MORC1: variants seen among roughly 807,000 people sequenced by gnomAD.
MORC1 encodes the protein MORC family CW-type zinc finger 1.
In MORC1, 59 loss-of-function variants were observed where a neutral mutation model predicts 134.9. The observed-to-expected ratio is 0.44, with a 90% CI of 0.35 to 0.54. The LOEUF (loss-of-function observed/expected upper bound fraction) is 0.54, where lower values mean the gene tolerates loss of function less well. MORC1 is among the 20% of genes least tolerant of loss of function. The probability of loss-of-function intolerance (pLI) is 0.00; values close to 1 mark genes in which losing one functional copy is unlikely to be tolerated. For synonymous variants in MORC1, 395 were observed against 391.7 expected (o/e 1.01, Z -0.10); for missense variants, 947 against 1,134.5 (o/e 0.83, Z 2.37).
chr3:109,031,303 G>A (rs1949236048), intron 16 of MORC1, among the ~76,000 whole-genome samples: 1 of 152,200 alleles, frequency 6.6e-6, no homozygotes, highest in Non-Finnish European at 1.5e-5. Flanking sequence ...TGGATCCAGA[G>A]AAGATGCATA....
At chr3:109,054,352 TAAC>T (rs1949906225) in intron 14 of MORC1, among the ~76,000 whole-genome samples, 1 of 151,894 alleles carries the variant, frequency 6.6e-6, no homozygotes, top group South Asian at 2.1e-4. Context: ...TGGTATGACA[TAAC>T]AACATTATAA....
Position 108,979,680 on chromosome 3 carries a change from A to G in MORC1, c.2325-13T>C. 6.2e-7 allele frequency: 1 copy of G among 1,609,640 alleles called. No homozygotes were observed. The highest frequency in any genetic ancestry group is 1.3e-5 in the African/African-American group (1 of 74,856). ...CACATTGAGCAAGCTGAGGTTTGTC[A>G]TTTCAAAGTAGAAATCATGTTAGGT... is the stretch of plus-strand genomic sequence containing the variant. On this transcript the variant is annotated splice_polypyrimidine_tract_variant and intron_variant, in intron 23 of 27. Transcript: ENST00000232603.
Position 109,113,525 on chromosome 3 carries a change from T to A in MORC1, c.119+859A>T, listed in dbSNP as rs1299174029. Among the ~76,000 whole-genome samples, 3 of 152,156 alleles carry A rather than the reference T, an allele frequency of 2.0e-5. No individual in the cohort carries two copies. In the East Asian group the frequency reaches 5.8e-4, roughly 29 times the overall value. ...ACTGTTATCAACCAGTGGCAGGGAA[T>A]TTAGGCTCCTACTGAGATCCTTGAT... On this transcript the variant is annotated intron_variant, in intron 2 of 27. Coordinates refer to ENST00000232603, the MANE Select transcript of MORC1 (RefSeq NM_014429.4).
intron 21 of MORC1, among the ~76,000 whole-genome samples, chr3:108,996,790 C>A (rs1454937597): frequency 6.6e-6 from 1 of 151,826 alleles, no homozygotes; most frequent in Non-Finnish European, 1.5e-5. Flanking sequence ...GCGGGCGGAT[C>A]ATGAGTTGAG....
At chr3:108,976,022 T>C (rs1448559131) in intron 24 of MORC1, among the ~76,000 whole-genome samples, 1 of 152,216 alleles carries the variant, frequency 6.6e-6, no homozygotes, top group Non-Finnish European at 1.5e-5. Context: ...TTAGACATAC[T>C]GTTGACAATT....
intron 2 of MORC1, among the ~76,000 whole-genome samples, chr3:109,113,762 C>T (rs1034440476): frequency 6.8e-6 from 1 of 146,750 alleles, no homozygotes; most frequent in African/African-American, 2.4e-5. Context: ...ATCATTAATA[C>T]ATTTATTAGA....
intron 5 of MORC1, 40 bp downstream of exon 5, chr3:109,100,377 G>T: frequency 7.1e-7 from 1 of 1,402,258 alleles, no homozygotes. Flanking sequence ...AGTGTTCCCA[G>T]TATCAATAAT....
Position 109,027,884 on chromosome 3 carries a change from T to A in MORC1, c.1571A>T (p.His524Leu). Reference protein sequence around the residue: ...NNPNRLENSCHQVECLPSIPL... With the variant: ...NNPNRLENSCLQVECLPSIPL... Reference sequence around the variant, plus strand: ...GATGGAAGGTAGACATTCTACCTGATGACAACTTCAGAATCAACAAGTACA... The same window carrying A: ...GATGGAAGGTAGACATTCTACCTGAAGACAACTTCAGAATCAACAAGTACA... The change falls in exon 17 of 28, where the codon CAT (histidine) becomes CTT (leucine). Residue 524 changes from histidine (H) to leucine (L), a missense_variant. His to Leu is a moderately conservative substitution (Grantham distance 99). Transcript: ENST00000232603. 1 of 1,613,336 alleles carries A rather than the reference T, an allele frequency of 6.2e-7. No homozygotes were observed. Among genetic ancestry groups the A allele is most frequent in the Non-Finnish European group, 8.5e-7 (1 of 1,179,622 alleles).
chr3:109,103,835 G>C lies in MORC1; in HGVS notation c.223+14C>G. 6.2e-7 allele frequency: 1 copy of C among 1,606,386 alleles called. No individual in the cohort carries two copies. Among genetic ancestry groups the C allele is most frequent in the Non-Finnish European group, 8.5e-7 (1 of 1,173,066 alleles). ...CCTTTAACAGCCAGTTAGGTATCTAGATAATTAACTTACCAGGGCTCATGC... is the reference window on the plus strand; with the variant it reads ...CCTTTAACAGCCAGTTAGGTATCTACATAATTAACTTACCAGGGCTCATGC... On this transcript the variant is annotated intron_variant, in intron 4 of 27. Transcript: ENST00000232603.
chr3:109,026,502 A>G (rs547032123), intron 17 of MORC1, among the ~76,000 whole-genome samples: 1 of 152,338 alleles, frequency 6.6e-6, no homozygotes, highest in South Asian at 2.1e-4. Flanking sequence ...AGTCTTGATG[A>G]TTGGCATTAT....
In MORC1 at chr3:109,100,444, A is replaced by G. The variant is rs150522740; in HGVS notation, c.287T>C (p.Ile96Thr). ...TTTAAGACCATTGCCGTATTGCCCT[A>G]TGAACTTCAAGGTTGACAGCCGTTT... The part of the protein sequence containing the change: ...SKKRLSTLKF[I>T]GQYGNGLKSG... Residue 96 changes from isoleucine (I) to threonine (T), a missense_variant, in exon 5 of 28, where the codon ATA becomes ACA. Transcript: ENST00000232603. 36 of 1,613,524 alleles carry G rather than the reference A, an allele frequency of 2.2e-5. No individual in the cohort carries two copies. The highest frequency in any genetic ancestry group is 2.0e-4 in the African/African-American group (15 of 75,046).
intron 9 of MORC1, among the ~76,000 whole-genome samples, chr3:109,065,499 C>T (rs539118212): frequency 1.3e-5 from 2 of 152,190 alleles, no homozygotes; most frequent in African/African-American, 4.8e-5. Flanking sequence ...GCCCCCACAC[C>T]CCAACACTGG....
chr3:109,061,958 T>C, intron 11 of MORC1, 30 bp downstream of exon 11: 1 of 1,602,348 alleles, frequency 6.2e-7, no homozygotes, highest in Non-Finnish European at 8.6e-7. Flanking sequence ...ATTTGCCATT[T>C]AATAAGACTA....
chr3:109,055,666 T>C (rs1032400074), intron 13 of MORC1, among the ~76,000 whole-genome samples: 6 of 152,168 alleles, frequency 3.9e-5, no homozygotes, highest in African/African-American at 1.2e-4. Context: ...ACCTCTAACA[T>C]AACATTCATT....
chr3:109,089,623 G>GAA, intron 8 of MORC1, among the ~76,000 whole-genome samples: 1 of 152,084 alleles, frequency 6.6e-6, no homozygotes, highest in African/African-American at 2.4e-5. Flanking sequence ...TATTTAAAGA[G>GAA]AAAAAAATGC....
rs528373374 is a variant in MORC1 at position 109,027,154 on chromosome 3, A to C, written c.1704+597T>G. Among the ~76,000 whole-genome samples the C allele has an allele frequency of 9.2e-5, 14 of 152,360 alleles. No homozygotes were observed. In the South Asian group the frequency reaches 2.9e-3, roughly 32 times the overall value. ...AGGCTTCACATTTAAAAAATGATGAATTTATGTGCTAAATCTATAGAGGTT... is the reference window on the plus strand; with the variant it reads ...AGGCTTCACATTTAAAAAATGATGACTTTATGTGCTAAATCTATAGAGGTT... On this transcript the variant is annotated intron_variant, in intron 17 of 27. Coordinates refer to ENST00000232603, the MANE Select transcript of MORC1 (RefSeq NM_014429.4).
intron 8 of MORC1, among the ~76,000 whole-genome samples, chr3:109,072,890 A>G (rs922374809): frequency 1.3e-5 from 2 of 151,784 alleles, no homozygotes; most frequent in Non-Finnish European, 2.9e-5. Context: ...GTAACTGGCT[A>G]CGATAAGAAA....
intron 17 of MORC1, among the ~76,000 whole-genome samples, chr3:109,025,379 C>CTTTTTTTTTTTTTTTTTTTTTTTTTT (rs63701060): frequency 1.9e-5 from 2 of 105,078 alleles, no homozygotes; most frequent in South Asian, 3.1e-4. Flanking sequence ...TTTCTTTTTT[C>CTTTTTTTTTTTTTTTTTTTTTTTTTT]TTTTTTTTTT....
At chr3:109,086,839 T>C (rs2107745808) in intron 8 of MORC1, among the ~76,000 whole-genome samples, 1 of 152,208 alleles carries the variant, frequency 6.6e-6, no homozygotes, top group East Asian at 1.9e-4. Context: ...GAAAGATACA[T>C]GGGAATTTTC....
Sources: allele counts gnomAD v4.1 joint callset (sites outside exome capture counted in the v4.1 genomes callset), GRCh38; gene constraint gnomAD v4.1.1; transcripts MANE v1.5; gene names NCBI Gene and HGNC (gene_info 2026-07-23, HGNC 2026-07-21).